The following TMEFF1 variants were observed in gnomAD, a reference collection of about 807,000 sequenced individuals.
TMEFF1 encodes the protein transmembrane protein with EGF like and two follistatin like domains 1, also known as tomoregulin-1.
In TMEFF1, 20 loss-of-function variants were observed where a neutral mutation model predicts 47.5. The observed-to-expected ratio is 0.42, with a 90% CI of 0.30 to 0.61. The LOEUF (loss-of-function observed/expected upper bound fraction) is 0.61. Ranked by LOEUF, TMEFF1 falls within the 20% of genes least tolerant of loss-of-function variation. TMEFF1 has a pLI of 0.19. For missense variants in TMEFF1, 411 were observed against 471.1 expected (o/e 0.87, Z 1.18); for synonymous variants, 162 against 166.3 (o/e 0.97, Z 0.20).
At chr9:100,565,409 C>T (rs1839106949) in intron 8 of TMEFF1, among the ~76,000 whole-genome samples, 1 of 152,180 alleles carries the variant, frequency 6.6e-6, no homozygotes. Flanking sequence ...GTCCTGGTTC[C>T]TCCCAGCTCT....
At chr9:100,490,836 G>GGTGTGTGTGTGTGTGTGTGTGT (rs10654628) in intron 1 of TMEFF1, among the ~76,000 whole-genome samples, 1 of 136,084 alleles carries the variant, frequency 7.3e-6, no homozygotes, top group Non-Finnish European at 1.6e-5. Flanking sequence ...TTATATGTAT[G>GGTGTGTGTGTGTGTGTGTGTGT]GTGTGTGTGT....
chr9:100,495,567 G>C (rs560230603), intron 1 of TMEFF1, among the ~76,000 whole-genome samples: 20 of 152,114 alleles, frequency 1.3e-4, no homozygotes, highest in African/African-American at 4.1e-4. Context: ...TTTTTTTCCT[G>C]TGTGTCCAAA....
chr9:100,570,578 T>C (rs892152273), intron 8 of TMEFF1, among the ~76,000 whole-genome samples: 12 of 152,070 alleles, frequency 7.9e-5, no homozygotes, highest in African/African-American at 2.7e-4. Context: ...TCAAAACCAA[T>C]TGACCATAGA....
intron 3 of TMEFF1, among the ~76,000 whole-genome samples, chr9:100,512,235 A>G (rs566106566): frequency 3.3e-5 from 5 of 152,180 alleles, no homozygotes; most frequent in South Asian, 2.1e-4. Context: ...ACTCAGAGAA[A>G]ATGTCATTTT....
intron 5 of TMEFF1, among the ~76,000 whole-genome samples, chr9:100,527,649 C>G (rs1838288914): frequency 6.6e-6 from 1 of 152,190 alleles, no homozygotes; most frequent in East Asian, 1.9e-4. Context: ...TGCAAGGCGG[C>G]AGCGAGGCTG....
At chr9:100,530,352 GA>G (rs1198388077) in intron 5 of TMEFF1, among the ~76,000 whole-genome samples, 2 of 151,746 alleles carry the variant, frequency 1.3e-5, no homozygotes, top group East Asian at 1.9e-4. Context: ...GACTAACAAA[GA>G]AAAAAAGAGA....
At position 100,505,427 on chromosome 9, in the gene TMEFF1, A is replaced by C. The variant is rs1157686383; in HGVS notation, c.307-3578A>C. On this transcript the variant is annotated intron_variant, in intron 2 of 9. Coordinates refer to ENST00000374879, the MANE Select transcript of TMEFF1 (RefSeq NM_003692.5). ...CCCTGTCTCAAAAAAAAAAAAAAAA[A>C]AAAAAAAAAAAAAACAACTAAAAGC... Among the ~76,000 whole-genome samples the C allele has an allele frequency of 2.2e-4, 33 of 150,248 alleles. No individual in the cohort carries two copies. In the South Asian group the frequency reaches 6.1e-3, roughly 28 times the overall value.
chr9:100,508,449 G>A (rs1415879540), intron 2 of TMEFF1, among the ~76,000 whole-genome samples: 1 of 151,728 alleles, frequency 6.6e-6, no homozygotes, highest in Non-Finnish European at 1.5e-5. Flanking sequence ...TAGGTATTAG[G>A]CATCACATGC....
chr9:100,576,025 A>G (rs1011113087), intron 9 of TMEFF1, among the ~76,000 whole-genome samples: 18 of 152,074 alleles, frequency 1.2e-4, no homozygotes, highest in African/African-American at 3.9e-4. Flanking sequence ...AGACATTCCT[A>G]TGTATTCATA....
intron 7 of TMEFF1, among the ~76,000 whole-genome samples, chr9:100,557,254 A>G (rs1838931366): frequency 6.6e-6 from 1 of 151,888 alleles, no homozygotes; most frequent in South Asian, 2.1e-4. Context: ...CTACACCCCT[A>G]AAAGAACCTC....
At chr9:100,501,180 C>G (rs1177150172) in intron 2 of TMEFF1, among the ~76,000 whole-genome samples, 2 of 152,166 alleles carry the variant, frequency 1.3e-5, no homozygotes, top group Admixed American at 6.5e-5. Flanking sequence ...GGCTGTTCTC[C>G]TCTTCAGCTG....
intron 5 of TMEFF1, among the ~76,000 whole-genome samples, chr9:100,530,301 G>A (rs1432309858): frequency 2.0e-5 from 3 of 152,090 alleles, no homozygotes; most frequent in African/African-American, 7.3e-5. Flanking sequence ...CCAGGAGCTG[G>A]TTTTTTGAAA....
chr9:100,537,079 A>C (rs1838527583), intron 5 of TMEFF1, among the ~76,000 whole-genome samples: 1 of 152,186 alleles, frequency 6.6e-6, no homozygotes, highest in South Asian at 2.1e-4. Context: ...TGAAGTCCTA[A>C]CCCTGGGTTT....
intron 7 of TMEFF1, among the ~76,000 whole-genome samples, chr9:100,557,947 G>C (rs17814768): frequency 0.12 from 18,351 of 151,794 alleles, 1,226 homozygotes; most frequent in Middle Eastern, 0.18. Flanking sequence ...ATTAGACTCT[G>C]TGAATTCGGA....
chr9:100,504,705 A>G (rs1388175685), intron 2 of TMEFF1, among the ~76,000 whole-genome samples: 3 of 152,212 alleles, frequency 2.0e-5, no homozygotes, highest in Non-Finnish European at 4.4e-5. Context: ...CCATAGTCAC[A>G]TGGTTGGTGG....
At chr9:100,512,816 G>C (rs1351725101) in intron 3 of TMEFF1, among the ~76,000 whole-genome samples, 1 of 151,840 alleles carries the variant, frequency 6.6e-6, no homozygotes, top group Non-Finnish European at 1.5e-5. Context: ...CCTAAACCTT[G>C]GGGCTTTTCT....
intron 8 of TMEFF1, among the ~76,000 whole-genome samples, chr9:100,563,221 A>G (rs1272240058): frequency 6.6e-6 from 1 of 152,188 alleles, no homozygotes; most frequent in African/African-American, 2.4e-5. Flanking sequence ...CCAAAGTGCT[A>G]GGATTACAGG....
intron 7 of TMEFF1, among the ~76,000 whole-genome samples, chr9:100,560,648 CTCCT>C (rs1838998622): frequency 6.6e-6 from 1 of 152,182 alleles, no homozygotes; most frequent in South Asian, 2.1e-4. Context: ...TGTTCCATCT[CTCCT>C]TCCTGACTCT....
chr9:100,565,923 T>A (rs537556876), intron 8 of TMEFF1, among the ~76,000 whole-genome samples: 4 of 152,290 alleles, frequency 2.6e-5, no homozygotes, highest in African/African-American at 9.6e-5. Flanking sequence ...GTTCCTCACT[T>A]CCCATTTCTC....
Sources: allele counts gnomAD v4.1 joint callset (sites outside exome capture counted in the v4.1 genomes callset), GRCh38; gene constraint gnomAD v4.1.1; transcripts MANE v1.5; gene names NCBI Gene and HGNC (gene_info 2026-07-23, HGNC 2026-07-21).